STIM1: variants seen among roughly 807,000 people sequenced by gnomAD.
STIM1 encodes the protein stromal interaction molecule 1.
In STIM1, 25 loss-of-function variants were observed where a neutral mutation model predicts 74.7. The observed-to-expected ratio is 0.33, with a 90% CI of 0.24 to 0.47. The LOEUF (loss-of-function observed/expected upper bound fraction) is 0.47. Among genes scored for constraint, STIM1 ranks in the 20% least tolerant of loss-of-function variants. STIM1 has a pLI of 1.00. For missense variants in STIM1, 728 were observed against 920.8 expected (o/e 0.79, Z 2.71); for synonymous variants, 328 against 348.8 (o/e 0.94, Z 0.66).
intron 2 of STIM1, among the ~76,000 whole-genome samples, chr11:4,013,415 T>C (rs2093859603): frequency 6.6e-6 from 1 of 152,202 alleles, no homozygotes; most frequent in South Asian, 2.1e-4. Context: ...GTTATTGGTC[T>C]GTTCAAAGAT....
chr11:4,007,165 C>T (rs2093790274), intron 2 of STIM1, among the ~76,000 whole-genome samples: 1 of 152,126 alleles, frequency 6.6e-6, no homozygotes, highest in South Asian at 2.1e-4. Context: ...TTACTGACAG[C>T]TGGTAGCTTG....
intron 1 of STIM1, among the ~76,000 whole-genome samples, chr11:3,861,754 C>G (rs2090620853): frequency 6.6e-6 from 1 of 152,130 alleles, no homozygotes; most frequent in Admixed American, 6.5e-5. Context: ...TCATTCCCAT[C>G]CAAATTCACA....
At chr11:3,950,848 T>G (rs1464785173) in intron 1 of STIM1, among the ~76,000 whole-genome samples, 4 of 152,142 alleles carry the variant, frequency 2.6e-5, no homozygotes, top group Non-Finnish European at 1.5e-5. Flanking sequence ...CAGGCTGATC[T>G]TGAACTCCTA....
At chr11:3,911,439 G>A in intron 1 of STIM1, among the ~76,000 whole-genome samples, 1 of 152,028 alleles carries the variant, frequency 6.6e-6, no homozygotes, top group South Asian at 2.1e-4. Context: ...TTGAGACAGG[G>A]TCTCACTCTG....
chr11:4,086,724 C>G (rs766770202), intron 12 of STIM1, 181 bp downstream of exon 12: 2 of 1,537,706 alleles, frequency 1.3e-6, no homozygotes, highest in Non-Finnish European at 1.7e-6. Context: ...CCACCACCAC[C>G]ACCACCTTCA....
intron 1 of STIM1, among the ~76,000 whole-genome samples, chr11:3,894,905 ATTTTTTT>A (rs35236633): frequency 1.1e-4 from 12 of 113,234 alleles, no homozygotes; most frequent in Non-Finnish European, 1.7e-4. Flanking sequence ...CGCCTGGCTA[ATTTTTTT>A]TTTTTTTTTT....
At chr11:4,059,038 T>TAA in intron 4 of STIM1, 1 of 935,268 alleles carries the variant, frequency 1.1e-6, no homozygotes. Context: ...AGGTAATCCT[T>TAA]AGAGGATAGG....
At chr11:3,895,075 C>T (rs1590536358) in intron 1 of STIM1, among the ~76,000 whole-genome samples, 2 of 152,168 alleles carry the variant, frequency 1.3e-5, no homozygotes, top group East Asian at 1.9e-4. Flanking sequence ...AGGCCAAGGG[C>T]AGGAACCTCT....
intron 2 of STIM1, among the ~76,000 whole-genome samples, chr11:4,023,564 T>C (rs1457675862): frequency 6.6e-6 from 1 of 152,244 alleles, no homozygotes; most frequent in Non-Finnish European, 1.5e-5. Flanking sequence ...TCTTCCTTTT[T>C]TCTTTCCTCT....
intron 2 of STIM1, among the ~76,000 whole-genome samples, chr11:4,009,297 A>C (rs1460866447): frequency 1.4e-5 from 2 of 145,566 alleles, no homozygotes; most frequent in Non-Finnish European, 3.0e-5. Flanking sequence ...TGTCTCAAAA[A>C]AAAAAAAAAA....
intron 2 of STIM1, among the ~76,000 whole-genome samples, chr11:3,973,700 A>G (rs1242477157): frequency 6.6e-6 from 1 of 151,764 alleles, no homozygotes; most frequent in Non-Finnish European, 1.5e-5. Context: ...CCCAGCCAGT[A>G]TTTCTTTTAA....
chr11:3,866,388 C>T (rs1208526754), intron 1 of STIM1, among the ~76,000 whole-genome samples: 2 of 151,412 alleles, frequency 1.3e-5, no homozygotes, highest in African/African-American at 4.9e-5. Flanking sequence ...TCTCTGTGCA[C>T]TTCACACCCT....
At chr11:3,958,332 A>AC (rs963866817) in intron 1 of STIM1, among the ~76,000 whole-genome samples, 3 of 151,382 alleles carry the variant, frequency 2.0e-5, no homozygotes, top group African/African-American at 7.3e-5. Flanking sequence ...ACATAACAAG[A>AC]CCCCCCTCTC....
At chr11:3,972,615 A>G (rs1207174716) in intron 2 of STIM1, among the ~76,000 whole-genome samples, 1 of 152,042 alleles carries the variant, frequency 6.6e-6, no homozygotes, top group Non-Finnish European at 1.5e-5. Flanking sequence ...CTGTTATACA[A>G]TTAGTCACAA....
rs112226714 is a variant in STIM1, at chr11:4,026,756, T to G, written c.385+2769T>G. 2.3e-3 allele frequency among the ~76,000 whole-genome samples: 355 copies of G among 152,338 alleles called. 3 individuals carry two copies. Among genetic ancestry groups the G allele is most frequent in the African/African-American group, 8.1e-3 (335 of 41,574 alleles). Reference sequence around the variant, plus strand: ...AGAAGAAATTTATAGGGCAAGATATTGGAGGGTCCTGAATATGGCACTTTT... The same window carrying G: ...AGAAGAAATTTATAGGGCAAGATATGGGAGGGTCCTGAATATGGCACTTTT... On this transcript the variant is annotated intron_variant, in intron 3 of 12. Transcript: ENST00000526596.
chr11:4,013,115 A>G (rs1314965256), intron 2 of STIM1, among the ~76,000 whole-genome samples: 1 of 152,212 alleles, frequency 6.6e-6, no homozygotes, highest in Non-Finnish European at 1.5e-5. Context: ...GTGCTGCTGT[A>G]TTCGGTGTGC....
At chr11:3,893,190 A>C (rs1239608144) in intron 1 of STIM1, among the ~76,000 whole-genome samples, 2 of 152,262 alleles carry the variant, frequency 1.3e-5, no homozygotes, top group African/African-American at 4.8e-5. Flanking sequence ...TGAAAACAAT[A>C]TAGAGGGATG....
At chr11:3,956,248 A>G (rs1368484672) in intron 1 of STIM1, among the ~76,000 whole-genome samples, 1 of 152,180 alleles carries the variant, frequency 6.6e-6, no homozygotes, top group Non-Finnish European at 1.5e-5. Flanking sequence ...TTAAGTATTT[A>G]GATTATCTCC....
At position 4,024,027 on chromosome 11, in the gene STIM1, G is replaced by C. The variant is rs199972389; in HGVS notation, c.385+40G>C. On this transcript the variant is annotated intron_variant, in intron 3 of 12. Transcript: ENST00000526596. The stretch of plus-strand genomic sequence containing the variant: ...GGTCATCAATCCTAGTTGTGGGAAG[G>C]TTTAGAGAAGAGAGAAGCAGCAACT... 3.8e-6 allele frequency: 6 copies of C among 1,563,796 alleles called. No homozygotes were observed. In the African/African-American group the frequency reaches 8.1e-5, roughly 21 times the overall value.
Sources: gnomAD v4.1 joint callset for allele counts (sites outside exome capture counted in the v4.1 genomes callset) on GRCh38, gnomAD v4.1.1 for gene constraint, MANE v1.5 for transcripts, NCBI Gene and HGNC (gene_info 2026-07-23, HGNC 2026-07-21) for gene names.